Variants in PSD3 observed in about 807,000 individuals in gnomAD.
The protein encoded by PSD3 is pleckstrin and Sec7 domain containing 3, also known as PH and SEC7 domain-containing protein 3.
A neutral mutation model predicts 105.5 loss-of-function variants in PSD3; 49 were observed. The ratio of observed to expected loss-of-function variants is 0.46; its 90% CI spans 0.37 to 0.59. The LOEUF is 0.59. Ranked by LOEUF, PSD3 falls within the 20% of genes least tolerant of loss-of-function variation. The pLI, the probability that PSD3 is intolerant of heterozygous loss-of-function variation, is 0.00. For missense variants in PSD3, 1,561 were observed against 1,263.8 expected, an observed-to-expected ratio of 1.24 and a Z score of -3.57; for synonymous variants, 557 against 457.8, an observed-to-expected ratio of 1.22 and a Z score of -2.77.
At chr8:18,985,899 GTATTA>G (rs1197919717) in intron 1 of PSD3, among the ~76,000 whole-genome samples, 2 of 151,546 alleles carry the variant, frequency 1.3e-5, no homozygotes, top group Non-Finnish European at 2.9e-5. Flanking sequence ...TAAATTAATA[GTATTA>G]TATTATAATT....
chr8:18,697,524 T>A lies in PSD3; in HGVS notation c.2173-41839A>T, dbSNP rs1283067194. On this transcript the variant is annotated intron_variant, in intron 9 of 15. Coordinates refer to ENST00000327040, the MANE Select transcript of PSD3 (RefSeq NM_015310.4). ...TGAGGTCCATGATTCACTAAAACAT[T>A]TCGTTGCTATCAGAAGTCAACTTGG... Among the ~76,000 whole-genome samples, 12 of 152,340 alleles carry A rather than the reference T, an allele frequency of 7.9e-5. No individual in the cohort carries two copies. The East Asian group carries it at 1.9e-3, about 25-fold the overall frequency.
chr8:19,043,689 A>G (rs987982868), intron 1 of PSD3, among the ~76,000 whole-genome samples: 3 of 152,208 alleles, frequency 2.0e-5, no homozygotes, highest in African/African-American at 7.2e-5. Context: ...AGTGGGCTTA[A>G]TGCCTTAATA....
At chr8:18,544,786 C>A (rs1800359861) in intron 15 of PSD3, among the ~76,000 whole-genome samples, 1 of 152,120 alleles carries the variant, frequency 6.6e-6, no homozygotes, top group Admixed American at 6.5e-5. Flanking sequence ...CACACCTCGC[C>A]CCAGGAAGCT....
intron 1 of PSD3, chr8:19,001,102 A>T (rs1586608744): frequency 2.1e-5 from 1 of 48,314 alleles, no homozygotes; most frequent in African/African-American, 4.8e-5. Flanking sequence ...TTTTAAAATG[A>T]CTTTTTTTTT....
chr8:18,958,687 A>G (rs1192606794), intron 1 of PSD3, among the ~76,000 whole-genome samples: 2 of 152,228 alleles, frequency 1.3e-5, no homozygotes, highest in Non-Finnish European at 2.9e-5. Flanking sequence ...CTGATAGATG[A>G]AAAAGAAAAA....
chr8:18,559,593 AG>A (rs1801273495), intron 14 of PSD3, among the ~76,000 whole-genome samples: 4 of 150,208 alleles, frequency 2.7e-5, no homozygotes, highest in Non-Finnish European at 5.9e-5. Flanking sequence ...AAGAAAAAAT[AG>A]GATTTTAGGT....
intron 2 of PSD3, among the ~76,000 whole-genome samples, chr8:18,901,662 T>C (rs1344905204): frequency 6.6e-6 from 1 of 152,226 alleles, no homozygotes; most frequent in Admixed American, 6.5e-5. Flanking sequence ...GTGATTTTCA[T>C]CTTTTCACTT....
At chr8:18,714,612 T>C (rs1032807616) in intron 9 of PSD3, among the ~76,000 whole-genome samples, 2 of 152,180 alleles carry the variant, frequency 1.3e-5, no homozygotes, top group Non-Finnish European at 2.9e-5. Flanking sequence ...ATGGTGATTA[T>C]TGCAAAGTCA....
intron 10 of PSD3, among the ~76,000 whole-genome samples, chr8:18,647,102 G>T (rs1307041294): frequency 6.6e-6 from 1 of 152,128 alleles, no homozygotes; most frequent in East Asian, 1.9e-4. Flanking sequence ...GAAGTGGGAG[G>T]AAATCTTTGC....
intron 9 of PSD3, among the ~76,000 whole-genome samples, chr8:18,696,824 G>T (rs912528007): frequency 2.0e-5 from 3 of 152,152 alleles, no homozygotes; most frequent in African/African-American, 7.2e-5. Flanking sequence ...TCCAATAGAA[G>T]TCTATAAAAG....
At chr8:18,789,190 C>G (rs978703154) in intron 8 of PSD3, among the ~76,000 whole-genome samples, 1 of 152,152 alleles carries the variant, frequency 6.6e-6, no homozygotes, top group Non-Finnish European at 1.5e-5. Context: ...AGATACTGTT[C>G]CAGATGTCCA....
intron 9 of PSD3, among the ~76,000 whole-genome samples, chr8:18,659,457 T>G (rs17695584): frequency 0.023 from 3,536 of 152,272 alleles, 107 homozygotes; most frequent in East Asian, 0.14. Flanking sequence ...AAATCCCATG[T>G]TAATTAACTT....
At chr8:18,935,079 C>T (rs79885251) in intron 2 of PSD3, among the ~76,000 whole-genome samples, 6,280 of 152,094 alleles carry the variant, frequency 0.041, 178 homozygotes, top group Admixed American at 0.064. Context: ...ATGGGGATAA[C>T]GGTACCAACT....
chr8:18,656,082 G>A (rs1183884454), intron 9 of PSD3, among the ~76,000 whole-genome samples: 7 of 152,054 alleles, frequency 4.6e-5, no homozygotes, highest in Non-Finnish European at 1.0e-4. Context: ...TTTTCAGACG[G>A]AGTCTCACTC....
At chr8:18,799,388 C>G in intron 7 of PSD3, 35 bp from the exon 8 acceptor site, 1 of 1,513,588 alleles carries the variant, frequency 6.6e-7, no homozygotes, top group African/African-American at 1.4e-5. Context: ...AGCATGAATT[C>G]GCTTTTCACT....
chr8:18,577,738 T>C (rs369163965), intron 12 of PSD3, among the ~76,000 whole-genome samples: 2 of 152,088 alleles, frequency 1.3e-5, no homozygotes, highest in African/African-American at 2.4e-5. Flanking sequence ...TGTTTTGTTC[T>C]GCAATCTTAC....
chr8:18,772,992 C>T (rs1432638145), intron 8 of PSD3, among the ~76,000 whole-genome samples: 3 of 152,170 alleles, frequency 2.0e-5, no homozygotes, highest in Non-Finnish European at 4.4e-5. Flanking sequence ...TGCCTTTACA[C>T]ACCCCTTTGT....
At chr8:18,774,773 G>T in intron 8 of PSD3, 1 of 400,402 alleles carries the variant, frequency 2.5e-6, no homozygotes, top group Non-Finnish European at 5.0e-6. Context: ...ATTTGGAAAT[G>T]ACTACAATCT....
chr8:18,889,439 T>C (rs1018036955), intron 2 of PSD3, among the ~76,000 whole-genome samples: 4 of 152,076 alleles, frequency 2.6e-5, no homozygotes, highest in Admixed American at 6.6e-5. Flanking sequence ...GCAGGTAATA[T>C]TCCCCCATCC....
Sources: gnomAD v4.1 joint callset for allele counts (sites outside exome capture counted in the v4.1 genomes callset) on GRCh38, gnomAD v4.1.1 for gene constraint, MANE v1.5 for transcripts, NCBI Gene and HGNC (gene_info 2026-07-23, HGNC 2026-07-21) for gene names.